Variants in EML6 observed in about 807,000 individuals in gnomAD.
EML6 encodes the protein EMAP like 6, also known as echinoderm microtubule-associated protein-like 6.
In EML6, 154 loss-of-function variants were observed where a neutral mutation model predicts 240.1. That is an observed-to-expected ratio of 0.64 (90% CI 0.56 to 0.73). The LOEUF (loss-of-function observed/expected upper bound fraction) is 0.73. Among genes scored for constraint, EML6 ranks in the 30% least tolerant of loss-of-function variants. The pLI is 0.00. For synonymous variants in EML6, 1,148 were observed against 899.0 expected, an observed-to-expected ratio of 1.28 and a Z score of -4.95; for missense variants, 2,964 against 2,474.6, an observed-to-expected ratio of 1.20 and a Z score of -4.20.
chr2:54,926,784 T>C (rs1052389802), intron 26 of EML6, among the ~76,000 whole-genome samples: 33 of 152,322 alleles, frequency 2.2e-4, no homozygotes, highest in African/African-American at 7.7e-4. Context: ...TCCTCTCTCT[T>C]TCTTCCTCTA....
intron 28 of EML6, among the ~76,000 whole-genome samples, chr2:54,934,281 T>C (rs1451096501): frequency 6.6e-6 from 1 of 152,164 alleles, no homozygotes; most frequent in Non-Finnish European, 1.5e-5. Flanking sequence ...GGGATGTCAG[T>C]GATGCCCCTG....
At chr2:54,811,110 G>T (rs1290210421) in intron 2 of EML6, among the ~76,000 whole-genome samples, 3 of 151,810 alleles carry the variant, frequency 2.0e-5, no homozygotes, top group Non-Finnish European at 4.4e-5. Context: ...CTCTACCCAT[G>T]TCTTCCCTCC....
At chr2:54,894,809 G>A (rs1263298047) in intron 19 of EML6, 106 bp from the exon 20 acceptor site, 2 of 659,792 alleles carry the variant, frequency 3.0e-6, no homozygotes, top group Admixed American at 2.6e-5. Context: ...TATTTAGGAA[G>A]GTAGCATCCA....
intron 18 of EML6, among the ~76,000 whole-genome samples, 159 bp from the exon 19 acceptor site, chr2:54,892,295 C>G (rs1400390246): frequency 6.6e-6 from 1 of 152,154 alleles, no homozygotes; most frequent in African/African-American, 2.4e-5. Flanking sequence ...GAGAAATATT[C>G]TTAGAATATT....
intron 10 of EML6, among the ~76,000 whole-genome samples, chr2:54,852,885 T>C (rs1227238814): frequency 6.6e-6 from 1 of 152,236 alleles, no homozygotes; most frequent in African/African-American, 2.4e-5. Context: ...TATGTTTGCT[T>C]CTTTGTGTGC....
At chr2:54,812,736 C>G (rs979942375) in intron 2 of EML6, among the ~76,000 whole-genome samples, 1 of 151,984 alleles carries the variant, frequency 6.6e-6, no homozygotes, top group Non-Finnish European at 1.5e-5. Flanking sequence ...GCAACAGACA[C>G]AGAAACAGCA....
chr2:54,819,964 G>A (rs555386492), intron 4 of EML6, among the ~76,000 whole-genome samples: 1 of 152,140 alleles, frequency 6.6e-6, no homozygotes, highest in African/African-American at 2.4e-5. Context: ...ACTGTTGGCC[G>A]CATTAAATTG....
At chr2:54,939,654 T>A (rs532328119) in intron 28 of EML6, among the ~76,000 whole-genome samples, 11 of 152,334 alleles carry the variant, frequency 7.2e-5, no homozygotes, top group Non-Finnish European at 1.3e-4. Flanking sequence ...CCCCGCTCCC[T>A]GCAGTGCCCC....
At chr2:54,962,849 C>T (rs1322313061) in intron 36 of EML6, 138 bp downstream of exon 36, 14 of 573,474 alleles carry the variant, frequency 2.4e-5, no homozygotes, top group Non-Finnish European at 3.9e-5. Context: ...GAAAACCTAA[C>T]GATAAAAGAA....
At chr2:54,844,277 ACTT>A (rs1669633041) in intron 8 of EML6, 29 bp downstream of exon 8, 1 of 1,532,124 alleles carries the variant, frequency 6.5e-7, no homozygotes, top group Admixed American at 2.0e-5. Context: ...CACCTCTCTG[ACTT>A]CTTTGAGATG....
At chr2:54,892,915 C>T (rs1320007407) in intron 19 of EML6, among the ~76,000 whole-genome samples, 1 of 152,096 alleles carries the variant, frequency 6.6e-6, no homozygotes, top group Non-Finnish European at 1.5e-5. Context: ...CATGAGAGTC[C>T]CTTAAGAAGT....
chr2:54,881,642 C>T (rs1002024698), intron 17 of EML6: 1 of 120,414 alleles, frequency 8.3e-6, no homozygotes, highest in Non-Finnish European at 1.7e-5. Flanking sequence ...GAGTGAGACT[C>T]CGTCCCAAAA....
rs567551677 is a variant in EML6 at position 54,829,404 on chromosome 2, T to C, written c.774T>C (p.Cys258=). 5.4e-5 allele frequency: 84 copies of C among 1,551,656 alleles called. No homozygotes were observed. The highest frequency in any genetic ancestry group is 7.2e-5 in the Non-Finnish European group (83 of 1,146,774). ...TTGCCACTGGTGGGCGAGATGGGTG[T>C]ATACGACTGTGGGACACTGATTTCA... ...EGFATGGRDG[C]IRLWDTDFKP... is the part of the protein sequence containing the mutation. The change falls in exon 7 of 42, where the codon TGT becomes TGC. Residue 258 remains cysteine (C), a synonymous_variant. Transcript: ENST00000356458.
intron 13 of EML6, among the ~76,000 whole-genome samples, chr2:54,865,833 AG>A (rs1423054255): frequency 4.6e-5 from 7 of 152,222 alleles, no homozygotes; most frequent in Admixed American, 2.0e-4. Context: ...ATTCCTTAAC[AG>A]GGATTTTTTA....
At chr2:54,899,885 C>A in intron 22 of EML6, 103 bp downstream of exon 22, 2 of 1,127,240 alleles carry the variant, frequency 1.8e-6, no homozygotes, top group South Asian at 1.6e-5. Context: ...GTGTTATATG[C>A]CCATAAATAT....
Position 54,970,077 on chromosome 2 carries a change from T to G in EML6, c.5859T>G (p.Phe1953Leu). ...VSTGGDDCSV[F>L]VWRCL ...GTTTGATCTGCCTTTTCAGTGTATT[T>G]GTGTGGCGATGTCTGTAAAATGCCA... The change falls in exon 42 of 42, where the codon TTT becomes TTG. Residue 1953 changes from phenylalanine (F) to leucine (L), a missense_variant. Coordinates refer to ENST00000356458, the MANE Select transcript of EML6 (RefSeq NM_001039753.4). 1.3e-6 allele frequency: 2 copies of G among 1,551,692 alleles called. No individual in the cohort carries two copies. The highest frequency in any genetic ancestry group is 1.7e-6 in the Non-Finnish European group (2 of 1,146,962).
Position 54,847,187 on chromosome 2 carries a change from C to T in EML6, c.1050-299C>T, listed in dbSNP as rs561552857. 5.9e-5 allele frequency among the ~76,000 whole-genome samples: 9 copies of T among 152,226 alleles called. No homozygotes were observed. In the East Asian group the frequency reaches 1.7e-3, roughly 29 times the overall value. On this transcript the variant is annotated intron_variant, in intron 8 of 41. Transcript: ENST00000356458. ...CCTCCCAAAGTGCTGGGATGACAGGCGTTGAGCCATCATGCCCAGCCTTAA... is the reference window on the plus strand; with the variant it reads ...CCTCCCAAAGTGCTGGGATGACAGGTGTTGAGCCATCATGCCCAGCCTTAA...
In EML6 at chr2:54,957,685, A is replaced by C; in HGVS notation, c.4487-105A>C. The C allele has an allele frequency of 3.1e-6, 3 of 954,810 alleles. 1 individual carries two copies. In the Admixed American group the frequency reaches 6.1e-5, roughly 20 times the overall value. 59.1% of individuals were successfully genotyped at this position (954,810 alleles called of 1,614,324 possible). A position where few individuals can be genotyped will look rare whatever the true frequency, so the allele number is the denominator to read the frequency against. On this transcript the variant is annotated intron_variant, in intron 32 of 41. Coordinates refer to ENST00000356458, the MANE Select transcript of EML6 (RefSeq NM_001039753.4). ...GAGAGAGTGCTGTAAAGAAGAACTGAGGCATGGCTTACGCCTGCTGGGGTG... is the reference window on the plus strand; with the variant it reads ...GAGAGAGTGCTGTAAAGAAGAACTGCGGCATGGCTTACGCCTGCTGGGGTG...
chr2:54,845,052 G>T (rs1669674891), intron 8 of EML6, among the ~76,000 whole-genome samples: 1 of 152,176 alleles, frequency 6.6e-6, no homozygotes, highest in Non-Finnish European at 1.5e-5. Context: ...TCTGGGTTTT[G>T]ATAGCTAATA....
Sources: allele counts gnomAD v4.1 joint callset (sites outside exome capture counted in the v4.1 genomes callset), GRCh38; gene constraint gnomAD v4.1.1; transcripts MANE v1.5; gene names NCBI Gene and HGNC (gene_info 2026-07-23, HGNC 2026-07-21).